Variants in SERGEF observed in about 807,000 individuals in gnomAD.
SERGEF encodes secretion-regulating guanine nucleotide exchange factor.
A neutral mutation model predicts 50.0 loss-of-function variants in SERGEF; 51 were observed. That is an observed-to-expected ratio of 1.02 (90% CI 0.81 to 1.29). The LOEUF (loss-of-function observed/expected upper bound fraction) is 1.29, where lower values mean the gene tolerates loss of function less well. SERGEF is among the 50% of genes most tolerant of loss of function. The pLI is 0.00. For synonymous variants in SERGEF, 205 were observed against 212.4 expected (o/e 0.97, Z 0.30); for missense variants, 521 against 557.0 (o/e 0.94, Z 0.65).
chr11:17,969,603 G>A (rs763849350), intron 8 of SERGEF, among the ~76,000 whole-genome samples: 5 of 152,062 alleles, frequency 3.3e-5, no homozygotes, highest in Non-Finnish European at 7.4e-5. Context: ...TGAAAATAAG[G>A]CTAAAAGAGG....
In SERGEF at chr11:17,959,653, T is replaced by C. The variant is rs759188966; in HGVS notation, c.845-17A>G. The C allele has an allele frequency of 6.2e-7, 1 of 1,602,744 alleles. No homozygotes were observed. Among genetic ancestry groups the C allele is most frequent in the Non-Finnish European group, 8.5e-7 (1 of 1,174,356 alleles). On this transcript the variant is annotated splice_polypyrimidine_tract_variant and intron_variant, in intron 8 of 10. Coordinates refer to ENST00000265965, the MANE Select transcript of SERGEF (RefSeq NM_012139.4). The stretch of plus-strand genomic sequence containing the variant: ...TGCCAGTTTCTAAAAACAAATATTA[T>C]TTGAATTAAGACTACATTCCACAGC...
At chr11:17,865,661 T>C (rs1001679598) in intron 10 of SERGEF, among the ~76,000 whole-genome samples, 13 of 152,116 alleles carry the variant, frequency 8.5e-5, no homozygotes, top group African/African-American at 3.1e-4. Context: ...GAAAATAGCT[T>C]ATAAAATATA....
At chr11:17,964,757 G>C (rs1200469003) in intron 8 of SERGEF, among the ~76,000 whole-genome samples, 2 of 152,188 alleles carry the variant, frequency 1.3e-5, no homozygotes, top group Non-Finnish European at 2.9e-5. Flanking sequence ...ACAAATACAA[G>C]CACCAGTTAC....
chr11:18,012,826 C>A, intron 1 of SERGEF, 125 bp downstream of exon 1: 1 of 1,514,460 alleles, frequency 6.6e-7, no homozygotes, highest in Non-Finnish European at 8.8e-7. Flanking sequence ...GCCCAGGATC[C>A]TTCAACCCAG....
At chr11:17,858,422 A>G (rs968912263) in intron 10 of SERGEF, among the ~76,000 whole-genome samples, 1 of 152,220 alleles carries the variant, frequency 6.6e-6, no homozygotes, top group South Asian at 2.1e-4. Context: ...ATCCTGCTCC[A>G]GAAAGTCAAC....
chr11:17,838,854 A>G (rs1655540941), intron 10 of SERGEF, among the ~76,000 whole-genome samples: 1 of 152,186 alleles, frequency 6.6e-6, no homozygotes, highest in African/African-American at 2.4e-5. Flanking sequence ...CATTGGTGGG[A>G]TGTAAATGCT....
chr11:17,919,440 A>AAG (rs368749292), intron 9 of SERGEF, among the ~76,000 whole-genome samples: 2 of 152,286 alleles, frequency 1.3e-5, no homozygotes, highest in African/African-American at 4.8e-5. Context: ...AAAGGGACAG[A>AAG]AGAGAGAGAG....
chr11:17,971,095 G>A (rs1381490974), intron 8 of SERGEF, among the ~76,000 whole-genome samples: 2 of 152,156 alleles, frequency 1.3e-5, no homozygotes, highest in Non-Finnish European at 2.9e-5. Context: ...TTGGGAAGCT[G>A]AGGCAGGAGA....
chr11:17,925,571 T>C (rs1852235118), intron 9 of SERGEF, among the ~76,000 whole-genome samples: 3 of 152,140 alleles, frequency 2.0e-5, no homozygotes, highest in Admixed American at 2.0e-4. Context: ...AGCTAATGAG[T>C]AGGCAGCAAT....
chr11:17,834,570 C>T lies in SERGEF; in HGVS notation c.1048+43638G>A, dbSNP rs543606423. 3.9e-5 allele frequency among the ~76,000 whole-genome samples: 6 copies of T among 152,268 alleles called. No homozygotes were observed. The South Asian group carries it at 8.3e-4, about 21-fold the overall frequency. ...TAGAATTAAATATATAAATGCTTTA[C>T]CCTGGAACATCTGAGGAGGAGGCCC... On this transcript the variant is annotated intron_variant, in intron 10 of 10. Coordinates refer to ENST00000265965, the MANE Select transcript of SERGEF (RefSeq NM_012139.4).
intron 8 of SERGEF, among the ~76,000 whole-genome samples, chr11:17,973,707 G>A (rs1223012901): frequency 6.6e-6 from 1 of 152,196 alleles, no homozygotes; most frequent in Non-Finnish European, 1.5e-5. Context: ...AAGACCTACA[G>A]GGGTCCTAAT....
intron 9 of SERGEF, among the ~76,000 whole-genome samples, chr11:17,894,933 G>T (rs1204767620): frequency 6.6e-6 from 1 of 152,218 alleles, no homozygotes; most frequent in Non-Finnish European, 1.5e-5. Flanking sequence ...TTCCCTGGGT[G>T]ATGCCACAGG....
chr11:17,981,599 G>A (rs554272731), intron 8 of SERGEF, among the ~76,000 whole-genome samples: 1 of 152,282 alleles, frequency 6.6e-6, no homozygotes, highest in Admixed American at 6.5e-5. Context: ...GGATGTGAAA[G>A]TACTTTATAG....
rs145154751 is a variant in SERGEF, at chr11:17,801,194, C to CAAA, written c.1049-12784_1049-12782dup. 2.3e-3 allele frequency among the ~76,000 whole-genome samples: 297 copies of CAAA among 131,820 alleles called. 1 individual carries two copies. The highest frequency in any genetic ancestry group is 0.011 in the East Asian group (49 of 4,540). The allele number at this position is 131,820 out of a possible 152,430, so 86.5% of individuals were successfully genotyped here. A position where few individuals can be genotyped will look rare whatever the true frequency, so the allele number is the denominator to read the frequency against. On this transcript the variant is annotated intron_variant, in intron 10 of 10. Coordinates refer to ENST00000265965, the MANE Select transcript of SERGEF (RefSeq NM_012139.4). ...TGGGCGAAAGAGCGAGACTCCGTCT[C>CAAA]AAAAAAAAAAAAAAGAAAGAAAAAA...
At chr11:17,844,642 C>T (rs1375479840) in intron 10 of SERGEF, among the ~76,000 whole-genome samples, 2 of 152,102 alleles carry the variant, frequency 1.3e-5, no homozygotes, top group Non-Finnish European at 2.9e-5. Flanking sequence ...ATGTCCTGCC[C>T]ACTGAAAAAA....
intron 4 of SERGEF, chr11:18,002,047 G>C: frequency 2.2e-6 from 1 of 456,156 alleles, no homozygotes; most frequent in Non-Finnish European, 4.4e-6. Context: ...CCTTCTTCTG[G>C]AAACTATACT....
intron 9 of SERGEF, among the ~76,000 whole-genome samples, chr11:17,916,025 C>T (rs551920624): frequency 1.3e-5 from 2 of 152,360 alleles, no homozygotes; most frequent in Admixed American, 1.3e-4. Flanking sequence ...GGCAAACAAA[C>T]TGGCCTGAAG....
At chr11:17,954,699 C>T (rs139699567) in intron 9 of SERGEF, among the ~76,000 whole-genome samples, 157 of 152,336 alleles carry the variant, frequency 1.0e-3, no homozygotes, top group African/African-American at 3.5e-3. Flanking sequence ...TATGTGCACA[C>T]ACATGCACGT....
At chr11:17,886,468 C>A (rs1851431564) in intron 9 of SERGEF, among the ~76,000 whole-genome samples, 1 of 151,838 alleles carries the variant, frequency 6.6e-6, no homozygotes. Context: ...CAAAATTAGC[C>A]CGGCGTGGTG....
Sources: gnomAD v4.1 joint callset for allele counts (sites outside exome capture counted in the v4.1 genomes callset) on GRCh38, gnomAD v4.1.1 for gene constraint, MANE v1.5 for transcripts, NCBI Gene and HGNC (gene_info 2026-07-23, HGNC 2026-07-21) for gene names.